The following OIP5 variants were observed in gnomAD, a reference collection of about 807,000 sequenced individuals.
OIP5 encodes protein Mis18-beta.
Under a neutral mutation model 20.3 loss-of-function variants are expected in OIP5, and 24 were observed. The ratio of observed to expected loss-of-function variants is 1.18; its 90% CI spans 0.86 to 1.66. The LOEUF (loss-of-function observed/expected upper bound fraction) is 1.66. Among genes scored for constraint, OIP5 ranks in the 40% most tolerant of loss-of-function variants. OIP5 has a pLI of 0.00. For synonymous variants in OIP5, 143 were observed against 121.3 expected (o/e 1.18, Z -1.17); for missense variants, 339 against 289.5 (o/e 1.17, Z -1.24).
At chr15:41,314,193 C>T (rs1189492064) in intron 3 of OIP5, among the ~76,000 whole-genome samples, 1 of 152,136 alleles carries the variant, frequency 6.6e-6, no homozygotes, top group Non-Finnish European at 1.5e-5. Context: ...CCTCTGCCTC[C>T]TGGGTTCAAG....
In OIP5 at chr15:41,332,282, C is replaced by T. The variant is rs770017794; in HGVS notation, c.280G>A (p.Ala94Thr). The change falls in exon 1 of 5, where the codon GCC (alanine) becomes ACC (threonine). Residue 94 changes from alanine to threonine, a missense_variant. Transcript: ENST00000220514. ...CCGAGGGACCGCGACAGGTCCCAGGCGAGGTGCACCGAGTCGGCGAGCACT... is the reference window on the plus strand; with the variant it reads ...CCGAGGGACCGCGACAGGTCCCAGGTGAGGTGCACCGAGTCGGCGAGCACT... ...HAVLADSVHL[A>T]WDLSRSLGAV... 1 of 1,570,916 alleles carries T rather than the reference C, an allele frequency of 6.4e-7. No individual in the cohort carries two copies. The highest frequency in any genetic ancestry group is 8.6e-7 in the Non-Finnish European group (1 of 1,158,946).
At chr15:41,329,244 C>T (rs767657829) in intron 2 of OIP5, among the ~76,000 whole-genome samples, 11 of 151,768 alleles carry the variant, frequency 7.2e-5, no homozygotes, top group Non-Finnish European at 2.9e-5. Context: ...CATTTCATAA[C>T]CCTCTTCGTA....
At chr15:41,332,058 T>C (rs1595506692) in intron 1 of OIP5, 77 bp from the exon 2 acceptor site, 1 of 1,457,710 alleles carries the variant, frequency 6.9e-7, no homozygotes, top group Non-Finnish European at 9.6e-7. Context: ...GACAGACTCA[T>C]CCTGGCCGTA....
chr15:41,312,144 A>AT (rs2047759782), intron 4 of OIP5, among the ~76,000 whole-genome samples: 3 of 106,404 alleles, frequency 2.8e-5, no homozygotes, highest in Non-Finnish European at 7.4e-5. Context: ...ATAAGCCACC[A>AT]TGCCCAGCCT....
intron 2 of OIP5, among the ~76,000 whole-genome samples, chr15:41,325,184 C>T (rs1006391725): frequency 2.6e-5 from 4 of 151,966 alleles, no homozygotes; most frequent in Admixed American, 6.6e-5. Flanking sequence ...GGAGGCAGGT[C>T]ATGAGGTCAG....
At chr15:41,320,742 C>A (rs1339520717) in intron 2 of OIP5, among the ~76,000 whole-genome samples, 1 of 151,992 alleles carries the variant, frequency 6.6e-6, no homozygotes, top group Non-Finnish European at 1.5e-5. Flanking sequence ...GCCTGGCCAC[C>A]CATCGTCTGG....
intron 2 of OIP5, among the ~76,000 whole-genome samples, chr15:41,330,478 A>T (rs2047892078): frequency 6.9e-6 from 1 of 145,392 alleles, no homozygotes; most frequent in Non-Finnish European, 1.5e-5. Flanking sequence ...AATCTCGGTC[A>T]CTGCAAGCTC....
chr15:41,319,676 G>A lies in OIP5; in HGVS notation c.494C>T (p.Ser165Phe), dbSNP rs75983701. 4.5e-3 allele frequency: 7,182 copies of A among 1,613,306 alleles called. 321 individuals are homozygous for A. The East Asian group carries it at 0.078, about 17-fold the overall frequency. Reference sequence around the variant, plus strand: ...TACTCACCACACCATTTTGTCACTGGAAAGGCAGAAGTGACCTCTCAAGGC... The same window carrying A: ...TACTCACCACACCATTTTGTCACTGAAAAGGCAGAAGTGACCTCTCAAGGC... ...LAALRGHFCL[S>F]SDKMVCYLLK... Residue 165 changes from serine to phenylalanine, a missense_variant, in exon 3 of 5, where the codon TCC (serine) becomes TTC (phenylalanine). Ser to Phe is a radical substitution (Grantham distance 155). Coordinates refer to ENST00000220514, the MANE Select transcript of OIP5 (RefSeq NM_007280.2).
intron 2 of OIP5, among the ~76,000 whole-genome samples, chr15:41,331,235 A>G (rs1233266096): frequency 6.6e-6 from 1 of 152,222 alleles, no homozygotes; most frequent in Non-Finnish European, 1.5e-5. Context: ...TCACTTGTAA[A>G]TCATAGTACA....
chr15:41,319,379 C>T (rs2047808515), intron 3 of OIP5, among the ~76,000 whole-genome samples: 1 of 152,072 alleles, frequency 6.6e-6, no homozygotes, highest in Non-Finnish European at 1.5e-5. Context: ...CCTCAGCCTC[C>T]TGAGTAGCTG....
intron 3 of OIP5, among the ~76,000 whole-genome samples, chr15:41,313,801 C>A (rs576876782): frequency 6.6e-6 from 1 of 151,986 alleles, no homozygotes; most frequent in Non-Finnish European, 1.5e-5. Flanking sequence ...CACTTAATAT[C>A]AGAAACTTGA....
rs1595498422 is a variant in OIP5, at chr15:41,312,716, A to C, written c.594+557T>G. Among the ~76,000 whole-genome samples, 5 of 136,040 alleles carry C rather than the reference A, an allele frequency of 3.7e-5. No homozygotes were observed. The South Asian group carries it at 7.0e-4, about 19-fold the overall frequency. The allele number at this position is 136,040 out of a possible 152,430, so 89.2% of individuals were successfully genotyped here. On this transcript the variant is annotated intron_variant, in intron 4 of 4. Transcript: ENST00000220514. ...GCAATCTCAGCTCACTGCAACCTCC[A>C]CCTCCCAGTTCAAGCAATTCTCCTG...
intron 3 of OIP5, among the ~76,000 whole-genome samples, chr15:41,317,381 C>CT (rs1171613409): frequency 0.017 from 2,233 of 132,698 alleles, 52 homozygotes; most frequent in African/African-American, 0.045. Context: ...ATCCATTTTT[C>CT]TTTTTTTTTT....
chr15:41,315,517 T>C (rs2047784265), intron 3 of OIP5, among the ~76,000 whole-genome samples: 1 of 152,078 alleles, frequency 6.6e-6, no homozygotes, highest in Admixed American at 6.6e-5. Flanking sequence ...ATGTTTAGGA[T>C]GCTATCATCA....
At chr15:41,323,888 T>C (rs140259821) in intron 2 of OIP5, among the ~76,000 whole-genome samples, 145 of 152,326 alleles carry the variant, frequency 9.5e-4, no homozygotes, top group African/African-American at 3.4e-3. Context: ...GTACCCACTT[T>C]CATTTTCTGT....
intron 2 of OIP5, among the ~76,000 whole-genome samples, chr15:41,328,891 C>T (rs1351902161): frequency 6.6e-6 from 1 of 151,754 alleles, no homozygotes; most frequent in East Asian, 1.9e-4. Flanking sequence ...AACCCCGTCT[C>T]TACTAAAAAT....
Position 41,330,792 on chromosome 15 carries a change from G to A in OIP5, c.389+1123C>T, listed in dbSNP as rs151193858. ...TGTGTTCACAGCATATCTCAATGCAGATTTAATAATATATAATAGCTACAT... is the reference window on the plus strand; with the variant it reads ...TGTGTTCACAGCATATCTCAATGCAAATTTAATAATATATAATAGCTACAT... On this transcript the variant is annotated intron_variant, in intron 2 of 4. Transcript: ENST00000220514. Among the ~76,000 whole-genome samples the A allele has an allele frequency of 3.3e-5, 5 of 152,284 alleles. No homozygotes were observed. In the East Asian group the frequency reaches 9.6e-4, roughly 29 times the overall value.
intron 2 of OIP5, among the ~76,000 whole-genome samples, chr15:41,330,649 C>T (rs1347891390): frequency 6.6e-6 from 1 of 151,884 alleles, no homozygotes; most frequent in African/African-American, 2.4e-5. Context: ...GTGATCCGCC[C>T]GCCTCGGCCT....
chr15:41,312,016 G>C (rs1315029907), intron 4 of OIP5, among the ~76,000 whole-genome samples: 1 of 142,268 alleles, frequency 7.0e-6, no homozygotes, highest in African/African-American at 2.5e-5. Context: ...CAACACGCCC[G>C]GCTAATTTTG....
Sources: allele counts gnomAD v4.1 joint callset (sites outside exome capture counted in the v4.1 genomes callset), GRCh38; gene constraint gnomAD v4.1.1; transcripts MANE v1.5; gene names NCBI Gene and HGNC (gene_info 2026-07-23, HGNC 2026-07-21).